CIITA: variants seen among roughly 807,000 people sequenced by gnomAD.
CIITA encodes the protein class II major histocompatibility complex transactivator.
Under a neutral mutation model 115.1 loss-of-function variants are expected in CIITA, and 72 were observed. The observed-to-expected ratio is 0.63, with a 90% confidence interval of 0.52 to 0.76. The LOEUF (loss-of-function observed/expected upper bound fraction) is 0.76. CIITA is among the 30% of genes least tolerant of loss of function. The pLI, the probability that CIITA is intolerant of heterozygous loss-of-function variation, is 0.00. For synonymous variants in CIITA, 763 were observed against 635.6 expected (o/e 1.20, Z -3.02); for missense variants, 1,617 against 1,463.8 (o/e 1.10, Z -1.71).
At chr16:10,940,482 C>T (rs976665093), downstream of CIITA, 13 of 152,378 alleles carry the variant, frequency 8.5e-5, no homozygotes, top group African/African-American at 2.6e-4. The surrounding 1 kb of genome is among the most constrained non-coding windows in gnomAD (Gnocchi z 4.2). Flanking sequence ...TAAAGGAGCC[C>T]TTGCCCACCA....
chr16:10,904,472 C>T (rs1018148094), intron 9 of CIITA, among the ~76,000 whole-genome samples: 6 of 152,322 alleles, frequency 3.9e-5, no homozygotes, highest in African/African-American at 1.2e-4. Flanking sequence ...CCACCTGCCT[C>T]GACCTCCCAA....
intron 1 of CIITA, chr16:10,866,687 G>A (rs2035090050): frequency 4.2e-5 from 16 of 384,332 alleles, no homozygotes; most frequent in South Asian, 3.3e-4. Context: ...AGAAATCCAA[G>A]TGTCTAGTGA....
intron 13 of CIITA, chr16:10,915,011 C>T: frequency 4.4e-6 from 2 of 455,106 alleles, no homozygotes; most frequent in South Asian, 3.1e-5. Flanking sequence ...GCTGGGGAGC[C>T]CCAAGATGGG....
chr16:10,929,035 C>G lies in CIITA; in HGVS notation c.*5180C>G, dbSNP rs1173078072. ...AGGGGAGTAACGTGGCACTCACCAG[C>G]ATGATGTCTGTTTTGCCAACTTGCT... is the stretch of plus-strand genomic sequence containing the variant. On this transcript the variant is annotated 3_prime_UTR_variant, in exon 20 of 20. Transcript: ENST00000324288. This position sits in a 1 kb window ranked among gnomAD's most constrained non-coding sequence, Gnocchi z 4.3. 1 of 187,758 alleles carries G rather than the reference C, an allele frequency of 5.3e-6. No homozygotes were observed. The highest frequency in any genetic ancestry group is 1.0e-5 in the Non-Finnish European group (1 of 100,286). 11.6% of individuals were successfully genotyped at this position (187,758 alleles called of 1,614,324 possible). A position where few individuals can be genotyped will look rare whatever the true frequency, so the allele number is the denominator to read the frequency against.
chr16:10,910,058 A>G (rs908363912), intron 12 of CIITA, 130 bp from the exon 13 acceptor site: 2 of 732,968 alleles, frequency 2.7e-6, no homozygotes, highest in African/African-American at 1.8e-5. Flanking sequence ...TAAGAGGGGG[A>G]CAACAGTTGC....
intron 3 of CIITA, among the ~76,000 whole-genome samples, chr16:10,898,035 A>G (rs1012811057): frequency 3.3e-5 from 5 of 151,678 alleles, no homozygotes; most frequent in Non-Finnish European, 7.4e-5. Flanking sequence ...CTTCTCCCAG[A>G]CTCTGCCTCA....
intron 13 of CIITA, among the ~76,000 whole-genome samples, chr16:10,913,250 GTTTC>G (rs909334692): frequency 2.2e-4 from 32 of 145,866 alleles, no homozygotes; most frequent in East Asian, 1.0e-3. Context: ...TTCTTTCCCT[GTTTC>G]TTTCTTTCTT....
At chr16:10,870,822 A>G (rs750747996) in intron 1 of CIITA, among the ~76,000 whole-genome samples, 28 of 152,238 alleles carry the variant, frequency 1.8e-4, no homozygotes, top group African/African-American at 2.7e-4. Flanking sequence ...GTCGCACTGT[A>G]TAAATATCAG....
chr16:10,888,119 A>G (rs2037146258), intron 1 of CIITA, among the ~76,000 whole-genome samples: 1 of 152,212 alleles, frequency 6.6e-6, no homozygotes, highest in Non-Finnish European at 1.5e-5. Flanking sequence ...AAAAATGGTC[A>G]TCACGCATAT....
intron 1 of CIITA, among the ~76,000 whole-genome samples, chr16:10,885,449 T>C (rs1044734545): frequency 1.3e-5 from 2 of 152,236 alleles, no homozygotes; most frequent in African/African-American, 4.8e-5. Flanking sequence ...CCCCTGAGCA[T>C]TGCAGTGTTG....
At chr16:10,881,808 T>A (rs1321153087) in intron 1 of CIITA, among the ~76,000 whole-genome samples, 2 of 152,200 alleles carry the variant, frequency 1.3e-5, no homozygotes, top group Non-Finnish European at 2.9e-5. Flanking sequence ...ACTGAAACTC[T>A]ACCCAATAAG....
intron 1 of CIITA, among the ~76,000 whole-genome samples, chr16:10,886,055 G>C (rs1234836338): frequency 2.1e-5 from 2 of 97,394 alleles, no homozygotes; most frequent in South Asian, 1.1e-3. Flanking sequence ...AACATGTTTT[G>C]CCTTTTTTTT....
intron 1 of CIITA, 124 bp downstream of exon 1, chr16:10,877,506 C>G (rs1372555649): frequency 2.0e-6 from 2 of 1,004,912 alleles, no homozygotes; most frequent in Non-Finnish European, 3.1e-6. Context: ...GAGTCTGTGT[C>G]CTGCTGGGGC....
intron 1 of CIITA, among the ~76,000 whole-genome samples, chr16:10,871,792 G>A (rs1286981316): frequency 2.0e-5 from 3 of 152,150 alleles, no homozygotes; most frequent in Admixed American, 6.5e-5. Context: ...AGGAAGACTC[G>A]TGCCTTTCAT....
downstream of CIITA, chr16:10,936,407 A>T (rs2041023118): frequency 6.6e-6 from 1 of 152,134 alleles, no homozygotes; most frequent in Non-Finnish European, 1.5e-5. Context: ...TGCATAATGA[A>T]CCCATTTTCA....
At chr16:10,939,740 G>C (rs900192697), downstream of CIITA, 1 of 152,252 alleles carries the variant, frequency 6.6e-6, no homozygotes, top group Non-Finnish European at 1.5e-5. This position sits in a 1 kb window ranked among gnomAD's most constrained non-coding sequence, Gnocchi z 4.9. Context: ...GCCAGGCACA[G>C]TTTTAAGTGT....
Position 10,923,214 on chromosome 16 carries a change from A to T in CIITA, c.3318-14A>T. ...CTCCTCTAACCTGGCTCTGAGTCCC[A>T]TCCCCCCTTGCAGGATGTGGACGCC... On this transcript the variant is annotated splice_polypyrimidine_tract_variant and intron_variant, in intron 18 of 19. Transcript: ENST00000324288. The surrounding 1 kb of genome is among the most constrained non-coding windows in gnomAD (Gnocchi z 5.2). The T allele has an allele frequency of 1.2e-6, 2 of 1,612,134 alleles. No homozygotes were observed. The highest frequency in any genetic ancestry group is 2.2e-5 in the South Asian group (2 of 91,072).
chr16:10,918,538 C>A lies in CIITA; in HGVS notation c.3149+12C>A, dbSNP rs747004288. ...CTGCTCAGGCTAAGGTGAGTGGGGC[C>A]CCGGATACCGGTCAGGTGCTGAGCT... On this transcript the variant is annotated intron_variant, in intron 16 of 19. Coordinates refer to ENST00000324288, the MANE Select transcript of CIITA (RefSeq NM_000246.4). The A allele has an allele frequency of 1.4e-5, 23 of 1,613,226 alleles. No individual in the cohort carries two copies. The Admixed American group carries it at 2.0e-4, about 14-fold the overall frequency.
At chr16:10,895,463 C>A in intron 2 of CIITA, 35 bp downstream of exon 2, 1 of 1,610,954 alleles carries the variant, frequency 6.2e-7, no homozygotes, top group East Asian at 2.2e-5. Context: ...TTCCGGTATC[C>A]CCCACCCCTC....
Sources: gnomAD v4.1 joint callset for allele counts (sites outside exome capture counted in the v4.1 genomes callset) on GRCh38, gnomAD v4.1.1 for gene constraint, Gnocchi (gnomAD v3.1) non-coding constraint, MANE v1.5 for transcripts, NCBI Gene and HGNC (gene_info 2026-07-23, HGNC 2026-07-21) for gene names.